SNTG1: variants seen among roughly 807,000 people sequenced by gnomAD.
The protein encoded by SNTG1 is syntrophin gamma 1.
SNTG1 carries 39 observed loss-of-function variants against 74.7 expected under a neutral mutation model. That is an observed-to-expected ratio of 0.52 (90% CI 0.40 to 0.68). The LOEUF (loss-of-function observed/expected upper bound fraction) is 0.68, where lower values mean the gene tolerates loss of function less well. SNTG1 is among the 30% of genes least tolerant of loss of function. SNTG1 has a pLI of 0.00. For missense variants in SNTG1, 685 were observed against 609.5 expected (o/e 1.12, Z -1.30); for synonymous variants, 254 against 217.1 (o/e 1.17, Z -1.49).
In SNTG1 at chr8:50,522,629, A is replaced by G. The variant is rs1346947748; in HGVS notation, c.467-7548A>G. On this transcript the variant is annotated intron_variant, in intron 9 of 18. Coordinates refer to ENST00000642720, the MANE Select transcript of SNTG1 (RefSeq NM_018967.5). The stretch of plus-strand genomic sequence containing the variant: ...AGTCTCGTTCTGTCACCCAGGCTGG[A>G]GTGCAGAGGTGTGATCTACACTAAT... Among the ~76,000 whole-genome samples the G allele has an allele frequency of 1.4e-4, 17 of 118,020 alleles. No individual in the cohort carries two copies. The Admixed American group carries it at 1.5e-3, about 10-fold the overall frequency. 77.4% of individuals were successfully genotyped at this position (118,020 alleles called of 152,430 possible).
intron 2 of SNTG1, among the ~76,000 whole-genome samples, chr8:50,183,412 C>T (rs1307980884): frequency 6.6e-6 from 1 of 152,082 alleles, no homozygotes; most frequent in Non-Finnish European, 1.5e-5. Context: ...CCAGAGTCTC[C>T]GTTTTATAAC....
At chr8:50,458,751 C>T (rs774492784) in intron 8 of SNTG1, among the ~76,000 whole-genome samples, 2 of 142,004 alleles carry the variant, frequency 1.4e-5, no homozygotes, top group Non-Finnish European at 3.0e-5. Context: ...TTATATATGC[C>T]ATATCACTTT....
chr8:50,746,238 G>A (rs1386267710), intron 17 of SNTG1, among the ~76,000 whole-genome samples: 2 of 151,846 alleles, frequency 1.3e-5, no homozygotes, highest in African/African-American at 2.4e-5. Flanking sequence ...TACTCTAAAA[G>A]TCATGCTTTT....
chr8:50,792,813 C>A lies in SNTG1; in HGVS notation c.1538C>A (p.Ala513Glu). ...TAASSATTSK[A>E]KYTT Reference sequence around the variant, plus strand: ...GCCAGCTCTGCTACCACGAGCAAAGCAAAGTATACAACTTGACATACTGAA... The same window carrying A: ...GCCAGCTCTGCTACCACGAGCAAAGAAAAGTATACAACTTGACATACTGAA... Residue 513 changes from alanine to glutamate, a missense_variant, in exon 19 of 19, where the codon GCA (alanine) becomes GAA (glutamate). Physicochemically the swap from Ala to Glu is moderately radical, Grantham distance 107. Coordinates refer to ENST00000642720, the MANE Select transcript of SNTG1 (RefSeq NM_018967.5). 1 of 1,611,838 alleles carries A rather than the reference C, an allele frequency of 6.2e-7. No individual in the cohort carries two copies. Among genetic ancestry groups the A allele is most frequent in the Non-Finnish European group, 8.5e-7 (1 of 1,178,568 alleles).
At chr8:50,258,449 G>T (rs2130037118) in intron 2 of SNTG1, among the ~76,000 whole-genome samples, 2 of 152,248 alleles carry the variant, frequency 1.3e-5, no homozygotes, top group East Asian at 3.9e-4. Context: ...TCAAGTGATA[G>T]AATTTGTTTT....
intron 5 of SNTG1, among the ~76,000 whole-genome samples, chr8:50,440,847 C>T (rs540454002): frequency 2.0e-5 from 3 of 152,200 alleles, no homozygotes; most frequent in South Asian, 2.1e-4. Context: ...TTGTGAATTC[C>T]GCTGGACTCA....
intron 1 of SNTG1, among the ~76,000 whole-genome samples, chr8:50,050,046 C>A (rs563020830): frequency 6.7e-6 from 1 of 149,884 alleles, no homozygotes; most frequent in Non-Finnish European, 1.5e-5. Context: ...CCTTAGGAAA[C>A]GAGAAAAATA....
intron 11 of SNTG1, among the ~76,000 whole-genome samples, chr8:50,541,031 A>G (rs1267930288): frequency 1.3e-5 from 2 of 152,054 alleles, no homozygotes; most frequent in African/African-American, 4.8e-5. Flanking sequence ...CTACATATAT[A>G]TTTTGATTAT....
At chr8:49,997,475 C>A (rs773388660) in intron 1 of SNTG1, among the ~76,000 whole-genome samples, 34 of 151,970 alleles carry the variant, frequency 2.2e-4, no homozygotes, top group Non-Finnish European at 4.4e-4. Context: ...GTATCTAAAT[C>A]CTTCCCTCCT....
chr8:50,517,990 C>A lies in SNTG1; in HGVS notation c.467-12187C>A, dbSNP rs186792159. Among the ~76,000 whole-genome samples the A allele has an allele frequency of 1.7e-3, 262 of 152,222 alleles. 1 individual carries two copies. Among genetic ancestry groups the A allele is most frequent in the African/African-American group, 5.8e-3 (242 of 41,512 alleles). On this transcript the variant is annotated intron_variant, in intron 9 of 18. Coordinates refer to ENST00000642720, the MANE Select transcript of SNTG1 (RefSeq NM_018967.5). ...ATCTACAGAGCTCTCCACCCCAAAT[C>A]AACAGAATATACATTCTTCTTAGCA... is the stretch of plus-strand genomic sequence containing the variant.
intron 11 of SNTG1, among the ~76,000 whole-genome samples, chr8:50,548,649 C>A (rs1416630429): frequency 2.0e-5 from 3 of 151,946 alleles, no homozygotes; most frequent in Non-Finnish European, 2.9e-5. Context: ...CAGTATTTAG[C>A]GCTACACAAA....
intron 13 of SNTG1, among the ~76,000 whole-genome samples, chr8:50,613,492 G>A (rs2094865322): frequency 6.6e-6 from 1 of 152,140 alleles, no homozygotes; most frequent in Non-Finnish European, 1.5e-5. Flanking sequence ...GAAGTACAGA[G>A]ACAGAATGCA....
intron 1 of SNTG1, among the ~76,000 whole-genome samples, chr8:49,929,712 T>A (rs2129354543): frequency 6.6e-6 from 1 of 151,336 alleles, no homozygotes; most frequent in East Asian, 1.9e-4. Context: ...TTAGCTTATT[T>A]TTTTTTAATT....
At chr8:50,266,935 G>C (rs909114969) in intron 2 of SNTG1, among the ~76,000 whole-genome samples, 1 of 151,712 alleles carries the variant, frequency 6.6e-6, no homozygotes, top group African/African-American at 2.4e-5. Context: ...GTGTAGGAAC[G>C]TTAACAAGAT....
intron 1 of SNTG1, among the ~76,000 whole-genome samples, chr8:49,978,662 CTTAAA>C (rs1812404405): frequency 6.6e-6 from 1 of 152,090 alleles, no homozygotes; most frequent in Non-Finnish European, 1.5e-5. Flanking sequence ...CTTAAAAACA[CTTAAA>C]TTAGAATGAA....
chr8:50,067,493 C>T (rs1429468542), intron 1 of SNTG1, among the ~76,000 whole-genome samples: 1 of 152,156 alleles, frequency 6.6e-6, no homozygotes, highest in Non-Finnish European at 1.5e-5. Context: ...TTACTTAGCT[C>T]AGTGTGAAAT....
At chr8:50,298,033 T>C (rs573612906) in intron 2 of SNTG1, among the ~76,000 whole-genome samples, 1 of 150,286 alleles carries the variant, frequency 6.7e-6, no homozygotes, top group Non-Finnish European at 1.5e-5. Flanking sequence ...GTTGAAAAGC[T>C]AAAAAAAAAA....
chr8:49,973,010 C>T (rs1329744123), intron 1 of SNTG1, among the ~76,000 whole-genome samples: 1 of 152,158 alleles, frequency 6.6e-6, no homozygotes, highest in Non-Finnish European at 1.5e-5. Context: ...CATCCCATTA[C>T]TGGGTATATA....
At chr8:50,517,256 G>T (rs947375185) in intron 9 of SNTG1, among the ~76,000 whole-genome samples, 2 of 152,120 alleles carry the variant, frequency 1.3e-5, no homozygotes, top group Non-Finnish European at 2.9e-5. Flanking sequence ...GAGAAATTTT[G>T]TCATCACTAA....
Sources: allele counts gnomAD v4.1 joint callset (sites outside exome capture counted in the v4.1 genomes callset), GRCh38; gene constraint gnomAD v4.1.1; transcripts MANE v1.5; gene names NCBI Gene and HGNC (gene_info 2026-07-23, HGNC 2026-07-21).